The following MARCHF3 variants were observed in gnomAD, a reference collection of about 807,000 sequenced individuals.
The protein encoded by MARCHF3 is membrane associated ring-CH-type finger 3.
MARCHF3 carries 13 observed loss-of-function variants against 24.2 expected under a neutral mutation model. That is an observed-to-expected ratio of 0.54 (90% CI 0.35 to 0.85). The LOEUF is 0.85. MARCHF3 is among the 40% of genes least tolerant of loss of function. MARCHF3 has a pLI of 0.01. For missense variants in MARCHF3, 276 were observed against 325.0 expected (o/e 0.85, Z 1.16); for synonymous variants, 144 against 137.3 (o/e 1.05, Z -0.34).
In MARCHF3 at chr5:126,926,232, T is replaced by C. The variant is rs539588491; in HGVS notation, c.-56-8005A>G. Among the ~76,000 whole-genome samples, 10 of 152,314 alleles carry C rather than the reference T, an allele frequency of 6.6e-5. No homozygotes were observed. In the South Asian group the frequency reaches 1.2e-3, roughly 19 times the overall value. On this transcript the variant is annotated intron_variant, in intron 1 of 4. Coordinates refer to ENST00000308660, the MANE Select transcript of MARCHF3 (RefSeq NM_178450.5). ...TGAGCTTATTTTAAATCAGGGTTCC[T>C]TGGAACTTTCCTCTTCCTCGTTTCA...
chr5:127,030,069 C>T (rs930102067), intron 1 of MARCHF3: 2 of 152,248 alleles, frequency 1.3e-5, no homozygotes, highest in East Asian at 1.9e-4. Context: ...ATGTCGTTGC[C>T]GCAGAGGGGC....
chr5:126,963,278 A>G (rs1444348568), intron 1 of MARCHF3, among the ~76,000 whole-genome samples: 2 of 152,226 alleles, frequency 1.3e-5, no homozygotes, highest in Non-Finnish European at 1.5e-5. Flanking sequence ...TTGATGAATT[A>G]TAAGAACAGA....
At chr5:126,981,845 AG>A (rs1267505182) in intron 1 of MARCHF3, among the ~76,000 whole-genome samples, 1 of 152,216 alleles carries the variant, frequency 6.6e-6, no homozygotes, top group African/African-American at 2.4e-5. Flanking sequence ...ATATGCTGCC[AG>A]GCATGCTCTT....
intron 1 of MARCHF3, among the ~76,000 whole-genome samples, chr5:126,938,823 G>T (rs1458164036): frequency 6.6e-6 from 1 of 152,176 alleles, no homozygotes; most frequent in African/African-American, 2.4e-5. Context: ...TTACAATGAA[G>T]AAAATGTAAT....
chr5:126,871,097 T>C (rs1752950256), intron 4 of MARCHF3, among the ~76,000 whole-genome samples: 1 of 152,156 alleles, frequency 6.6e-6, no homozygotes. Context: ...TTGGATTTAT[T>C]TTCGGACTAG....
At chr5:127,012,178 C>G (rs988908009) in intron 1 of MARCHF3, among the ~76,000 whole-genome samples, 2 of 152,174 alleles carry the variant, frequency 1.3e-5, no homozygotes, top group Non-Finnish European at 2.9e-5. Context: ...ATGGGAAACA[C>G]AGTTATTTTT....
At chr5:126,962,663 T>G (rs1468142401) in intron 1 of MARCHF3, among the ~76,000 whole-genome samples, 1 of 152,046 alleles carries the variant, frequency 6.6e-6, no homozygotes, top group Non-Finnish European at 1.5e-5. Flanking sequence ...GTGTATAAAG[T>G]GTATATGAAA....
At chr5:126,994,403 G>T (rs77657743) in intron 1 of MARCHF3, among the ~76,000 whole-genome samples, 1,713 of 152,286 alleles carry the variant, frequency 0.011, 26 homozygotes, top group African/African-American at 0.039. Context: ...GTAGGGGGAT[G>T]ATGGCACTGT....
intron 1 of MARCHF3, among the ~76,000 whole-genome samples, chr5:126,935,590 T>A (rs1471892639): frequency 6.7e-6 from 1 of 148,270 alleles, no homozygotes; most frequent in African/African-American, 2.5e-5. Flanking sequence ...AAAGTACGAA[T>A]GTATATATGG....
chr5:126,962,843 G>GTGTA (rs1251666235), intron 1 of MARCHF3, among the ~76,000 whole-genome samples: 1 of 151,182 alleles, frequency 6.6e-6, no homozygotes, highest in East Asian at 1.9e-4. Context: ...GCGTGTGTGT[G>GTGTA]TGTGTGTGTG....
At chr5:126,964,518 G>A (rs549698698) in intron 1 of MARCHF3, among the ~76,000 whole-genome samples, 3 of 152,112 alleles carry the variant, frequency 2.0e-5, no homozygotes, top group South Asian at 2.1e-4. Flanking sequence ...CCTAAGCCTC[G>A]GCAATTTCCC....
chr5:126,881,877 TGA>T (rs1236886980), intron 3 of MARCHF3, among the ~76,000 whole-genome samples: 6 of 150,630 alleles, frequency 4.0e-5, no homozygotes, highest in African/African-American at 1.5e-4. Context: ...ACACACAGAG[TGA>T]GAGAGAGGGA....
At chr5:126,978,304 G>A (rs1447465860) in intron 1 of MARCHF3, among the ~76,000 whole-genome samples, 2 of 152,188 alleles carry the variant, frequency 1.3e-5, no homozygotes, top group Non-Finnish European at 2.9e-5. Flanking sequence ...AGAGTGACCA[G>A]CCCCATTCGG....
chr5:126,881,324 T>A (rs1190769277), intron 3 of MARCHF3, among the ~76,000 whole-genome samples: 1 of 152,188 alleles, frequency 6.6e-6, no homozygotes, highest in Non-Finnish European at 1.5e-5. Flanking sequence ...ATGTTACTTA[T>A]CAATTATACA....
intron 3 of MARCHF3, among the ~76,000 whole-genome samples, chr5:126,888,099 AGAGGAT>A (rs1753559691): frequency 6.6e-6 from 1 of 152,236 alleles, no homozygotes; most frequent in Non-Finnish European, 1.5e-5. Flanking sequence ...TCTAAGCCAG[AGAGGAT>A]CACTTTGGGT....
chr5:126,872,074 C>CTTTTTTTTTT (rs70997318), intron 4 of MARCHF3, among the ~76,000 whole-genome samples: 3 of 94,510 alleles, frequency 3.2e-5, no homozygotes, highest in Non-Finnish European at 4.0e-5. Flanking sequence ...AGATCCTTGT[C>CTTTTTTTTTT]TTTTTTTTTT....
Position 126,908,183 on chromosome 5 carries a change from C to G in MARCHF3, c.393+6747G>C, listed in dbSNP as rs1020936512. ...TTCTGGCTTGTAGAGTTCCTGCCGA[C>G]AGATCTGCTGTTAGTCTAATGGGCT... On this transcript the variant is annotated intron_variant, in intron 3 of 4. Coordinates refer to ENST00000308660, the MANE Select transcript of MARCHF3 (RefSeq NM_178450.5). 3.7e-4 allele frequency among the ~76,000 whole-genome samples: 56 copies of G among 152,290 alleles called. 1 individual carries two copies. Among genetic ancestry groups the G allele is most frequent in the African/African-American group, 1.3e-3 (56 of 41,546 alleles).
intron 3 of MARCHF3, among the ~76,000 whole-genome samples, chr5:126,885,531 CAT>C (rs1753485922): frequency 8.1e-6 from 1 of 123,224 alleles, no homozygotes; most frequent in Non-Finnish European, 1.8e-5. Context: ...TGTGCCATTG[CAT>C]TCCAGCCTGG....
intron 1 of MARCHF3, among the ~76,000 whole-genome samples, chr5:126,972,842 G>C (rs997377873): frequency 2.0e-5 from 3 of 152,202 alleles, no homozygotes; most frequent in African/African-American, 7.2e-5. Flanking sequence ...ATATTTGAGA[G>C]AGTTTTGAAA....
Sources: allele counts gnomAD v4.1 joint callset (sites outside exome capture counted in the v4.1 genomes callset), GRCh38; gene constraint gnomAD v4.1.1; transcripts MANE v1.5; gene names NCBI Gene and HGNC (gene_info 2026-07-23, HGNC 2026-07-21).